SEMA5A: variants seen among roughly 807,000 people sequenced by gnomAD.
SEMA5A encodes the protein semaphorin-5A.
SEMA5A carries 55 observed loss-of-function variants against 135.5 expected under a neutral mutation model. The observed-to-expected ratio is 0.41, with a 90% CI of 0.33 to 0.51. The LOEUF (loss-of-function observed/expected upper bound fraction) is 0.51. SEMA5A is among the 20% of genes least tolerant of loss of function. The probability of loss-of-function intolerance (pLI) is 0.37; values close to 1 mark genes in which losing one functional copy is unlikely to be tolerated. For synonymous variants in SEMA5A, 580 were observed against 546.5 expected (o/e 1.06, Z -0.85); for missense variants, 1,290 against 1,419.9 (o/e 0.91, Z 1.47).
chr5:9,089,751 G>A (rs1357830188), intron 16 of SEMA5A, among the ~76,000 whole-genome samples: 2 of 152,106 alleles, frequency 1.3e-5, no homozygotes, highest in African/African-American at 4.8e-5. Context: ...TCATCACTAA[G>A]TATGATAATG....
intron 2 of SEMA5A, among the ~76,000 whole-genome samples, chr5:9,418,963 A>T (rs1757374376): frequency 6.6e-6 from 1 of 152,170 alleles, no homozygotes; most frequent in African/African-American, 2.4e-5. Flanking sequence ...GTTAATTTGA[A>T]ACCTTTCTAA....
intron 2 of SEMA5A, among the ~76,000 whole-genome samples, chr5:9,430,116 G>A (rs1437903725): frequency 6.6e-6 from 1 of 152,170 alleles, no homozygotes; most frequent in Non-Finnish European, 1.5e-5. Flanking sequence ...ACAACAATAA[G>A]ATTTGTTGAC....
intron 2 of SEMA5A, among the ~76,000 whole-genome samples, chr5:9,404,470 G>A (rs1447775609): frequency 1.3e-5 from 2 of 152,120 alleles, no homozygotes; most frequent in African/African-American, 4.8e-5. Flanking sequence ...CACCCATATC[G>A]CAGCCTGGGT....
At chr5:9,045,982 T>C (rs1268303679) in intron 21 of SEMA5A, 1 of 152,250 alleles carries the variant, frequency 6.6e-6, no homozygotes, top group Non-Finnish European at 1.5e-5. Flanking sequence ...TTCAAGCTTT[T>C]CCACAAATGA....
At chr5:9,090,369 C>T (rs565279403) in intron 16 of SEMA5A, among the ~76,000 whole-genome samples, 1 of 152,330 alleles carries the variant, frequency 6.6e-6, no homozygotes, top group East Asian at 1.9e-4. Flanking sequence ...AAACGAACTT[C>T]CATTTCCATC....
At chr5:9,135,199 G>C (rs1459176463) in intron 13 of SEMA5A, among the ~76,000 whole-genome samples, 15 of 58,868 alleles carry the variant, frequency 2.5e-4, no homozygotes, top group African/African-American at 9.7e-4. Context: ...TTTTTTTTTT[G>C]AGATGGAGTT....
chr5:9,312,745 T>C (rs535861512), intron 5 of SEMA5A, among the ~76,000 whole-genome samples: 44 of 152,246 alleles, frequency 2.9e-4, no homozygotes, highest in African/African-American at 8.9e-4. Flanking sequence ...AAGATTTTTT[T>C]TGGCAAAAGG....
chr5:9,326,682 T>C (rs1167029567), intron 4 of SEMA5A, among the ~76,000 whole-genome samples: 1 of 152,132 alleles, frequency 6.6e-6, no homozygotes, highest in African/African-American at 2.4e-5. Context: ...CCTGGGAGGC[T>C]GAGGCACGAG....
rs369136637 is a variant in SEMA5A at position 9,141,733 on chromosome 5, T to G, written c.1482-5112A>C. ...ATTTTAAAAATTTGCAATTACGTTTTTTGTTAGTTGGAGTAACAGAAAAAT... is the reference window on the plus strand; with the variant it reads ...ATTTTAAAAATTTGCAATTACGTTTGTTGTTAGTTGGAGTAACAGAAAAAT... On this transcript the variant is annotated intron_variant, in intron 12 of 22. Coordinates refer to ENST00000382496, the MANE Select transcript of SEMA5A (RefSeq NM_003966.3). Among the ~76,000 whole-genome samples the G allele has an allele frequency of 2.6e-5, 4 of 152,308 alleles. No homozygotes were observed. The South Asian group carries it at 8.3e-4, about 32-fold the overall frequency.
chr5:9,362,826 A>AGTCTTCAACTACAAGTTTCATTT (rs1754756494), intron 3 of SEMA5A, among the ~76,000 whole-genome samples: 1 of 152,206 alleles, frequency 6.6e-6, no homozygotes, highest in South Asian at 2.1e-4. Flanking sequence ...GAAACTCTTT[A>AGTCTTCAACTACAAGTTTCATTT]GTCTTCAACT....
intron 5 of SEMA5A, among the ~76,000 whole-genome samples, chr5:9,292,063 G>T (rs889594685): frequency 1.3e-5 from 2 of 152,062 alleles, no homozygotes; most frequent in African/African-American, 4.8e-5. Context: ...GAGTCCTCGA[G>T]GCTACTTTTG....
rs1429724389 is a variant in SEMA5A, at chr5:9,204,121, A to T, written c.647-1881T>A. Among the ~76,000 whole-genome samples the T allele has an allele frequency of 1.3e-5, 2 of 152,150 alleles. No homozygotes were observed. The highest frequency in any genetic ancestry group is 3.9e-4 in the East Asian group (2 of 5,192). On this transcript the variant is annotated intron_variant, in intron 8 of 22. Coordinates refer to ENST00000382496, the MANE Select transcript of SEMA5A (RefSeq NM_003966.3). The surrounding 1 kb of genome is among the most constrained non-coding windows in gnomAD (Gnocchi z 6.4). ...ACTGGCATGTCTAATTCTAAATAAG[A>T]GTCTAAATTATTTTGGAATGGGTCC...
At chr5:9,227,209 T>C (rs1478785021) in intron 6 of SEMA5A, among the ~76,000 whole-genome samples, 1 of 152,176 alleles carries the variant, frequency 6.6e-6, no homozygotes. Context: ...AATTGCTGTA[T>C]CTGCACCTTG....
chr5:9,207,367 T>C (rs1304090936), intron 8 of SEMA5A, among the ~76,000 whole-genome samples: 1 of 151,966 alleles, frequency 6.6e-6, no homozygotes, highest in Admixed American at 6.6e-5. Context: ...GTATTTTTAA[T>C]AGAGATGGGG....
chr5:9,510,575 A>C (rs1736149858), intron 1 of SEMA5A, among the ~76,000 whole-genome samples: 1 of 152,186 alleles, frequency 6.6e-6, no homozygotes, highest in African/African-American at 2.4e-5. Context: ...GGGTTATAGC[A>C]AACTTTTTAA....
chr5:9,196,257 A>C (rs1208875477), intron 10 of SEMA5A, among the ~76,000 whole-genome samples: 1 of 152,164 alleles, frequency 6.6e-6, no homozygotes, highest in African/African-American at 2.4e-5. Flanking sequence ...ATGGGGTCTT[A>C]ATGGTAGTAA....
intron 2 of SEMA5A, among the ~76,000 whole-genome samples, chr5:9,389,889 C>T (rs1756075924): frequency 6.6e-6 from 1 of 152,176 alleles, no homozygotes; most frequent in Non-Finnish European, 1.5e-5. Flanking sequence ...ACCTGTGTAT[C>T]TGCCTCCTTC....
intron 17 of SEMA5A, 21 bp downstream of exon 17, chr5:9,066,400 C>T (rs773578732): frequency 1.1e-5 from 18 of 1,607,060 alleles, no homozygotes; most frequent in Admixed American, 1.7e-5. Flanking sequence ...GTGGGTCAGT[C>T]CCCACGGAAT....
chr5:9,309,660 G>A (rs980855556), intron 5 of SEMA5A, among the ~76,000 whole-genome samples: 27 of 152,098 alleles, frequency 1.8e-4, no homozygotes, highest in African/African-American at 5.1e-4. Context: ...ACTCACTTGC[G>A]AGGGAGGAAT....
Sources: allele counts gnomAD v4.1 joint callset (sites outside exome capture counted in the v4.1 genomes callset), GRCh38; gene constraint gnomAD v4.1.1; non-coding constraint Gnocchi (gnomAD v3.1); transcripts MANE v1.5; gene names NCBI Gene and HGNC (gene_info 2026-07-23, HGNC 2026-07-21).